CCNT2: variants seen among roughly 807,000 people sequenced by gnomAD.
CCNT2 encodes cyclin-T2.
In CCNT2, 18 loss-of-function variants were observed where a neutral mutation model predicts 70.0. That is an observed-to-expected ratio of 0.26 (90% confidence interval 0.18 to 0.38). The LOEUF is 0.38. Ranked by LOEUF, CCNT2 falls within the 10% of genes least tolerant of loss-of-function variation. The probability of loss-of-function intolerance (pLI) is 1.00; values close to 1 mark genes in which losing one functional copy is unlikely to be tolerated. For synonymous variants in CCNT2, 334 were observed against 313.3 expected (o/e 1.07, Z -0.70); for missense variants, 734 against 890.2 (o/e 0.82, Z 2.23).
chr2:134,926,101 A>C (rs1448355390), intron 2 of CCNT2, among the ~76,000 whole-genome samples: 1 of 152,048 alleles, frequency 6.6e-6, no homozygotes, highest in East Asian at 1.9e-4. Flanking sequence ...CCTGGACTCA[A>C]GCAGTCCTCC....
intron 2 of CCNT2, among the ~76,000 whole-genome samples, chr2:134,932,857 CCTT>C (rs906499647): frequency 3.0e-4 from 45 of 152,350 alleles, no homozygotes; most frequent in Non-Finnish European, 5.4e-4. Flanking sequence ...TATTCTAAGA[CCTT>C]CTTTCTATAA....
rs1267702332 is a variant in CCNT2, at chr2:134,954,765, T to G, written c.*117T>G. 2 of 636,822 alleles carry G rather than the reference T, an allele frequency of 3.1e-6. No individual in the cohort carries two copies. Among genetic ancestry groups the G allele is most frequent in the Non-Finnish European group, 5.6e-6 (2 of 358,940 alleles). 39.4% of individuals were successfully genotyped at this position (636,822 alleles called of 1,614,324 possible). Reference sequence around the variant, plus strand: ...GCTGTTGCTGCCACTGCTTCAATATTTGTAAGTGCTGCTTTATTCTTCATT... The same window carrying G: ...GCTGTTGCTGCCACTGCTTCAATATGTGTAAGTGCTGCTTTATTCTTCATT... On this transcript the variant is annotated 3_prime_UTR_variant, in exon 9 of 9. Coordinates refer to ENST00000264157, the MANE Select transcript of CCNT2 (RefSeq NM_058241.3).
At chr2:134,924,898 T>G (rs1680172757) in intron 2 of CCNT2, among the ~76,000 whole-genome samples, 1 of 152,308 alleles carries the variant, frequency 6.6e-6, no homozygotes, top group Middle Eastern at 3.4e-3. Context: ...TTATGTCAAC[T>G]AAGTTGTAGC....
At chr2:134,940,140 A>C (rs1681462736) in intron 4 of CCNT2, among the ~76,000 whole-genome samples, 1 of 152,218 alleles carries the variant, frequency 6.6e-6, no homozygotes, top group Admixed American at 6.5e-5. Flanking sequence ...CCAGATGTTG[A>C]ATAGAAGTGC....
chr2:134,923,424 C>T (rs933075127), intron 2 of CCNT2, among the ~76,000 whole-genome samples: 17 of 152,286 alleles, frequency 1.1e-4, no homozygotes, highest in African/African-American at 4.1e-4. Flanking sequence ...GTGTTTATAG[C>T]TTACTTCTCT....
intron 2 of CCNT2, among the ~76,000 whole-genome samples, chr2:134,930,969 A>ATT (rs60712972): frequency 0.015 from 2,145 of 144,770 alleles, 31 homozygotes; most frequent in Non-Finnish European, 0.017. Context: ...AAGGATTTGA[A>ATT]TTTTTTTTTT....
chr2:134,941,175 A>G (rs548792364), intron 4 of CCNT2, among the ~76,000 whole-genome samples: 1 of 152,166 alleles, frequency 6.6e-6, no homozygotes, highest in Non-Finnish European at 1.5e-5. Context: ...ATTGTGGTGT[A>G]TTTCTGTAAA....
intron 5 of CCNT2, chr2:134,943,867 A>G: frequency 1.0e-6 from 1 of 982,346 alleles, no homozygotes; most frequent in Admixed American, 6.1e-5. Flanking sequence ...ATTTACTACC[A>G]AGTTTTTTTA....
intron 7 of CCNT2, among the ~76,000 whole-genome samples, chr2:134,952,226 A>G (rs902939582): frequency 5.9e-5 from 9 of 152,174 alleles, no homozygotes; most frequent in Non-Finnish European, 1.2e-4. Context: ...TGTAATTAAT[A>G]CATTTCATGG....
chr2:134,929,127 A>G (rs1398311355), intron 2 of CCNT2, among the ~76,000 whole-genome samples: 2 of 66,544 alleles, frequency 3.0e-5, no homozygotes, highest in East Asian at 1.4e-3. Context: ...GTAAATGCCA[A>G]AAAGTTATTT....
At chr2:134,928,907 A>C (rs1680510282) in intron 2 of CCNT2, among the ~76,000 whole-genome samples, 1 of 152,188 alleles carries the variant, frequency 6.6e-6, no homozygotes, top group Non-Finnish European at 1.5e-5. Flanking sequence ...AGGTATTTCC[A>C]CACCCCCACC....
At chr2:134,944,557 C>G in intron 5 of CCNT2, 1 of 971,050 alleles carries the variant, frequency 1.0e-6, no homozygotes, top group Non-Finnish European at 1.2e-6. Flanking sequence ...AAAACATTTA[C>G]AAAAACTACA....
intron 7 of CCNT2, among the ~76,000 whole-genome samples, chr2:134,949,086 C>T (rs762750296): frequency 8.6e-5 from 13 of 151,618 alleles, no homozygotes; most frequent in Non-Finnish European, 5.9e-5. Context: ...AGTGGTGCAA[C>T]CTGGGCTCAC....
intron 2 of CCNT2, among the ~76,000 whole-genome samples, chr2:134,920,619 G>A (rs1444509462): frequency 3.3e-5 from 5 of 152,270 alleles, no homozygotes; most frequent in South Asian, 2.1e-4. Context: ...TGAGTAACAC[G>A]CATACTGTGT....
intron 2 of CCNT2, among the ~76,000 whole-genome samples, chr2:134,927,573 A>G (rs1158850023): frequency 1.3e-5 from 2 of 152,228 alleles, no homozygotes; most frequent in African/African-American, 4.8e-5. Context: ...GAGTGTTTGC[A>G]TTGGCCAAGG....
chr2:134,930,816 T>A (rs1490874187), intron 2 of CCNT2, among the ~76,000 whole-genome samples: 2 of 152,196 alleles, frequency 1.3e-5, no homozygotes, highest in Non-Finnish European at 1.5e-5. Flanking sequence ...TAACTTGTGT[T>A]CTTGATAGCA....
chr2:134,952,552 C>T, intron 7 of CCNT2, 89 bp from the exon 8 acceptor site: 1 of 690,802 alleles, frequency 1.4e-6, no homozygotes, highest in South Asian at 2.0e-5. Context: ...TAGATGAACT[C>T]CTAGCATTCC....
rs1682770891 is a variant in CCNT2, at chr2:134,954,330, T to C, written c.1875T>C (p.Asp625=). 6.2e-7 allele frequency: 1 copy of C among 1,614,100 alleles called. No homozygotes were observed. Among genetic ancestry groups the C allele is most frequent in the Admixed American group, 1.7e-5 (1 of 60,004 alleles). The change falls in exon 9 of 9, where the codon GAT becomes GAC. Residue 625 remains aspartate (D), a synonymous_variant. Coordinates refer to ENST00000264157, the MANE Select transcript of CCNT2 (RefSeq NM_058241.3). ...CAAGGAAGAGGCTGCATGTCAATGA[T>C]GCATCTCACAACCACCACTCCAAAA... The part of the protein sequence containing the change: ...SSSRKRLHVN[D]ASHNHHSKMS...
chr2:134,950,778 G>A (rs1191415228), intron 7 of CCNT2, among the ~76,000 whole-genome samples: 2 of 152,032 alleles, frequency 1.3e-5, no homozygotes, highest in African/African-American at 2.4e-5. Context: ...GAGAGAGAAG[G>A]GCCTCTATTT....
Sources: gnomAD v4.1 joint callset for allele counts (sites outside exome capture counted in the v4.1 genomes callset) on GRCh38, gnomAD v4.1.1 for gene constraint, MANE v1.5 for transcripts, NCBI Gene and HGNC (gene_info 2026-07-23, HGNC 2026-07-21) for gene names.